The following PTPN20 variants were observed in gnomAD, a reference collection of about 807,000 sequenced individuals.
PTPN20 encodes tyrosine-protein phosphatase non-receptor type 20.
In PTPN20, 9 loss-of-function variants were observed where a neutral mutation model predicts 35.0. The ratio of observed to expected loss-of-function variants is 0.26; its 90% confidence interval spans 0.15 to 0.45. The LOEUF (loss-of-function observed/expected upper bound fraction) is 0.45, where lower values mean the gene tolerates loss of function less well. Ranked by LOEUF, PTPN20 falls within the 20% of genes least tolerant of loss-of-function variation. The pLI, the probability that PTPN20 is intolerant of heterozygous loss-of-function variation, is 1.00. For missense variants in PTPN20, 111 were observed against 312.5 expected (o/e 0.36, Z 4.86); for synonymous variants, 32 against 100.2 (o/e 0.32, Z 4.06).
rs933689605 is a variant in PTPN20 at position 47,000,697 on chromosome 10, G to A, written c.1219G>A (p.Asp407Asn). ...ATAGGAGCAGTATCACTTTTGTTAC[G>A]ATATTGTGCTTGAAGTTCTTCGGAA... ...QTKEQYHFCY[D>N]IVLEVLRKLL... Residue 407 changes from aspartate (D) to asparagine (N), a missense_variant, in exon 11 of 11, where the codon GAT (aspartate) becomes AAT (asparagine). Asp to Asn is a conservative substitution (Grantham distance 23, BLOSUM62 1). Coordinates refer to ENST00000374339, the MANE Select transcript of PTPN20 (RefSeq NM_001042357.5). 29 of 1,613,360 alleles carry A rather than the reference G, an allele frequency of 1.8e-5. No individual in the cohort carries two copies. Among genetic ancestry groups the A allele is most frequent in the South Asian group, 1.2e-4 (11 of 91,054 alleles).
At chr10:46,993,017 T>G (rs1043242305) in intron 9 of PTPN20, among the ~76,000 whole-genome samples, 1 of 152,220 alleles carries the variant, frequency 6.6e-6, no homozygotes. Flanking sequence ...TTATTAATAC[T>G]TGTGGCTAGA....
In PTPN20 at chr10:46,988,821, T is replaced by G. The variant is rs1391017537; in HGVS notation, c.1134+1266T>G. Among the ~76,000 whole-genome samples the G allele has an allele frequency of 9.9e-5, 15 of 152,078 alleles. 1 individual carries two copies. Among genetic ancestry groups the G allele is most frequent in the Non-Finnish European group, 1.9e-4 (13 of 67,994 alleles). On this transcript the variant is annotated intron_variant, in intron 9 of 10. Transcript: ENST00000374339. ...AGTTTTCCTCATAGAAGTCTTTTAC[T>G]TTTTTGGTTAAATTTATCCTAGGTG...
chr10:46,977,302 G>A (rs1276136117), intron 7 of PTPN20, among the ~76,000 whole-genome samples: 3,358 of 151,360 alleles, frequency 0.022, 2 homozygotes, highest in Middle Eastern at 0.068. Flanking sequence ...ACAATCATGA[G>A]TCAGTTCTTT....
At chr10:46,937,971 A>G (rs527426889) in intron 2 of PTPN20, among the ~76,000 whole-genome samples, 19 of 138,166 alleles carry the variant, frequency 1.4e-4, no homozygotes, top group South Asian at 6.7e-4. Context: ...TTTTTCTTAG[A>G]CAGAGTCTCA....
At chr10:46,925,327 T>G (rs1372863464) in intron 1 of PTPN20, among the ~76,000 whole-genome samples, 2 of 148,026 alleles carry the variant, frequency 1.4e-5, no homozygotes, top group African/African-American at 5.1e-5. Flanking sequence ...CCATTTGCTA[T>G]TCTTTAGGAA....
intron 7 of PTPN20, among the ~76,000 whole-genome samples, chr10:46,979,053 A>G (rs1223345410): frequency 1.2e-4 from 19 of 152,126 alleles, no homozygotes; most frequent in African/African-American, 3.6e-4. Flanking sequence ...CACAGAGAAC[A>G]CCTTGAATGA....
intron 9 of PTPN20, among the ~76,000 whole-genome samples, chr10:46,993,616 T>C (rs929852559): frequency 1.3e-5 from 2 of 152,222 alleles, no homozygotes; most frequent in African/African-American, 2.4e-5. Flanking sequence ...TGACAACTTA[T>C]CTTAGATCAC....
chr10:47,003,012 G>A (rs963509075), downstream of PTPN20, among the ~76,000 whole-genome samples: 19 of 151,660 alleles, frequency 1.3e-4, no homozygotes, highest in Non-Finnish European at 2.4e-4. Context: ...GGAAGAATTC[G>A]TTTTCTTCTA....
At chr10:46,947,049 A>G (rs1337939202) in intron 5 of PTPN20, among the ~76,000 whole-genome samples, 5 of 145,954 alleles carry the variant, frequency 3.4e-5, no homozygotes, top group Non-Finnish European at 7.5e-5. Flanking sequence ...TTTGGATTAC[A>G]AATTATCACA....
intron 9 of PTPN20, among the ~76,000 whole-genome samples, chr10:46,993,665 A>T (rs900882812): frequency 2.9e-4 from 44 of 152,358 alleles, no homozygotes; most frequent in Admixed American, 1.1e-3. Flanking sequence ...TTTTAAAAAA[A>T]TTCTCTATGC....
intron 7 of PTPN20, among the ~76,000 whole-genome samples, chr10:46,976,843 CTA>C (rs1432921182): frequency 7.2e-6 from 1 of 139,670 alleles, no homozygotes; most frequent in Admixed American, 7.4e-5. Flanking sequence ...AGTACTTTCT[CTA>C]TCTCTCTCTC....
intron 1 of PTPN20, 56 bp downstream of exon 1, chr10:46,911,557 G>A (rs1589106895): frequency 4.7e-6 from 1 of 211,332 alleles, no homozygotes; most frequent in South Asian, 4.5e-5. Context: ...AGGCCGCTGC[G>A]CCGGGCTGTG....
At chr10:46,976,312 T>C (rs1490906609) in intron 7 of PTPN20, among the ~76,000 whole-genome samples, 6 of 103,928 alleles carry the variant, frequency 5.8e-5, no homozygotes, top group Non-Finnish European at 1.2e-4. Flanking sequence ...TTCTTTCCCT[T>C]TTCCCTTAAT....
At chr10:46,983,985 T>C (rs1455106233) in intron 7 of PTPN20, among the ~76,000 whole-genome samples, 2 of 151,760 alleles carry the variant, frequency 1.3e-5, no homozygotes, top group African/African-American at 2.4e-5. Flanking sequence ...TCATTCTGCA[T>C]TTATTAAAAA....
rs2060071334 is a variant in PTPN20, at chr10:47,001,909, T to C, written c.*1168T>C. On this transcript the variant is annotated 3_prime_UTR_variant, in exon 11 of 11. Transcript: ENST00000374339. Reference sequence around the variant, plus strand: ...TCTGGTGACAAGCTATACCTAATTATAAGCTATAAAACAATAGATATGAGT... The same window carrying C: ...TCTGGTGACAAGCTATACCTAATTACAAGCTATAAAACAATAGATATGAGT... The C allele has an allele frequency of 6.6e-6, 1 of 152,124 alleles. No individual in the cohort carries two copies. Among genetic ancestry groups the C allele is most frequent in the Non-Finnish European group, 1.5e-5 (1 of 67,988 alleles). The allele number at this position is 152,124 out of a possible 1,614,324, so 9.4% of individuals were successfully genotyped here. A position where few individuals can be genotyped will look rare whatever the true frequency, so the allele number is the denominator to read the frequency against.
chr10:47,001,231 A>AT lies in PTPN20; in HGVS notation c.*493dup, dbSNP rs2060003706. 1.2e-5 allele frequency: 2 copies of AT among 166,844 alleles called. No individual in the cohort carries two copies. The highest frequency in any genetic ancestry group is 1.4e-4 in the South Asian group (1 of 7,156). The allele number at this position is 166,844 out of a possible 1,614,324, so 10.3% of individuals were successfully genotyped here. ...GCTAGAGCCTGTACTTTTTGCTGGC[A>AT]TTTGAATAACCCAGTTTAAAAAGAG... On this transcript the variant is annotated 3_prime_UTR_variant, in exon 11 of 11. Transcript: ENST00000374339.
At chr10:47,000,528 A>G (rs1237808564) in intron 10 of PTPN20, 148 bp from the exon 11 acceptor site, 23 of 824,876 alleles carry the variant, frequency 2.8e-5, no homozygotes, top group Non-Finnish European at 4.2e-5. Flanking sequence ...AAATGTATTC[A>G]CGTAAAGTTC....
intron 1 of PTPN20, among the ~76,000 whole-genome samples, chr10:46,930,425 T>TA (rs1156371264): frequency 2.0e-5 from 3 of 151,490 alleles, no homozygotes; most frequent in Non-Finnish European, 4.4e-5. Flanking sequence ...AAAATTGTAC[T>TA]ATTTTGTATC....
rs1192128316 is a variant in PTPN20, at chr10:46,927,847, C to A, written c.-123-4530C>A. ...TCTTATAATTACTGATACACTTCCA[C>A]AAGAGAGGGAGAGGAACGTAGGAAG... On this transcript the variant is annotated intron_variant, in intron 1 of 10. Coordinates refer to ENST00000374339, the MANE Select transcript of PTPN20 (RefSeq NM_001042357.5). 2.2e-3 allele frequency among the ~76,000 whole-genome samples: 328 copies of A among 147,258 alleles called. 1 individual carries two copies. Among genetic ancestry groups the A allele is most frequent in the African/African-American group, 8.2e-3 (307 of 37,510 alleles).
Sources: allele counts gnomAD v4.1 joint callset (sites outside exome capture counted in the v4.1 genomes callset), GRCh38; gene constraint gnomAD v4.1.1; transcripts MANE v1.5; gene names NCBI Gene and HGNC (gene_info 2026-07-23, HGNC 2026-07-21).